TTC27: variants seen among roughly 807,000 people sequenced by gnomAD.
TTC27 encodes the protein tetratricopeptide repeat domain 27.
TTC27 carries 79 observed loss-of-function variants against 115.9 expected under a neutral mutation model. That is an observed-to-expected ratio of 0.68 (90% CI 0.57 to 0.82). TTC27 has a LOEUF of 0.82. Among genes scored for constraint, TTC27 ranks in the 40% least tolerant of loss-of-function variants. The pLI is 0.00. For missense variants in TTC27, 1,054 were observed against 993.1 expected, an observed-to-expected ratio of 1.06 and a Z score of -0.82; for synonymous variants, 401 against 356.0, an observed-to-expected ratio of 1.13 and a Z score of -1.42.
intron 9 of TTC27, among the ~76,000 whole-genome samples, chr2:32,690,488 A>G (rs1666773743): frequency 6.6e-6 from 1 of 152,200 alleles, no homozygotes; most frequent in South Asian, 2.1e-4. Context: ...GATATCCTCT[A>G]GTTGCTAAGA....
At chr2:32,736,263 T>A (rs1022922371) in intron 11 of TTC27, among the ~76,000 whole-genome samples, 1 of 152,196 alleles carries the variant, frequency 6.6e-6, no homozygotes, top group African/African-American at 2.4e-5. Context: ...GAGCTAGATA[T>A]GCCCTTCTGA....
chr2:32,750,210 C>T (rs945713593), intron 12 of TTC27, among the ~76,000 whole-genome samples: 6 of 152,130 alleles, frequency 3.9e-5, no homozygotes, highest in African/African-American at 1.4e-4. Flanking sequence ...TGTGGACAAC[C>T]ATTATATCTA....
intron 5 of TTC27, among the ~76,000 whole-genome samples, chr2:32,659,177 G>C (rs1241356661): frequency 6.6e-6 from 1 of 151,968 alleles, no homozygotes; most frequent in East Asian, 1.9e-4. Context: ...TGTTGCTCAG[G>C]CTTGTCTTGA....
At chr2:32,665,180 C>A (rs1665726198) in intron 6 of TTC27, among the ~76,000 whole-genome samples, 1 of 151,996 alleles carries the variant, frequency 6.6e-6, no homozygotes, top group Non-Finnish European at 1.5e-5. Flanking sequence ...CTAGTTCTAT[C>A]AGTAAAATCC....
At chr2:32,629,433 T>C (rs574421967) in intron 1 of TTC27, among the ~76,000 whole-genome samples, 6 of 150,124 alleles carry the variant, frequency 4.0e-5, no homozygotes, top group Non-Finnish European at 3.0e-5. Context: ...GCGGCAATGA[T>C]TTATTTTTTT....
chr2:32,662,743 T>G (rs1416097193), intron 5 of TTC27, among the ~76,000 whole-genome samples: 2 of 152,166 alleles, frequency 1.3e-5, no homozygotes, highest in Non-Finnish European at 2.9e-5. Flanking sequence ...TTGTTTATTT[T>G]TTTTTGGAAG....
intron 13 of TTC27, among the ~76,000 whole-genome samples, chr2:32,765,316 C>T (rs1037743756): frequency 6.6e-6 from 1 of 151,214 alleles, no homozygotes; most frequent in East Asian, 1.9e-4. Flanking sequence ...TCTTGTGTGA[C>T]GAGGTGCTAT....
At chr2:32,768,095 A>G (rs571085840) in intron 13 of TTC27, among the ~76,000 whole-genome samples, 1 of 152,238 alleles carries the variant, frequency 6.6e-6, no homozygotes, top group Non-Finnish European at 1.5e-5. Context: ...ATTAAAGCAT[A>G]TGAATGTCTA....
chr2:32,701,365 A>G (rs1435533230), intron 9 of TTC27, among the ~76,000 whole-genome samples: 1 of 152,242 alleles, frequency 6.6e-6, no homozygotes, highest in Non-Finnish European at 1.5e-5. Flanking sequence ...AAGTAGTCAT[A>G]TCTTAATTTA....
rs796743994 is a variant in TTC27, at chr2:32,765,266, G to T, written c.1680+6747G>T. Among the ~76,000 whole-genome samples the T allele has an allele frequency of 1.3e-4, 20 of 152,182 alleles. 1 individual carries two copies. Among genetic ancestry groups the T allele is most frequent in the African/African-American group, 4.8e-4 (20 of 41,526 alleles). On this transcript the variant is annotated intron_variant, in intron 13 of 19. Coordinates refer to ENST00000317907, the MANE Select transcript of TTC27 (RefSeq NM_017735.5). ...TGCGGAGTGGTTGTTGTGTTAGCAA[G>T]CATGAAAACATTAATCTCCTTGTAC...
intron 5 of TTC27, among the ~76,000 whole-genome samples, chr2:32,655,096 C>T (rs1299189171): frequency 6.6e-6 from 1 of 151,686 alleles, no homozygotes; most frequent in East Asian, 1.9e-4. Flanking sequence ...TCAAGTGATT[C>T]TCCTACCTCA....
Position 32,758,332 on chromosome 2 carries a change from C to A in TTC27, c.1493C>A (p.Thr498Lys). The A allele has an allele frequency of 6.2e-7, 1 of 1,614,042 alleles. No individual in the cohort carries two copies. Among genetic ancestry groups the A allele is most frequent in the Non-Finnish European group, 8.5e-7 (1 of 1,180,008 alleles). The change falls in exon 13 of 20, where the codon ACG becomes AAG. Residue 498 changes from threonine (T) to lysine (K), a missense_variant. By Grantham distance (78) the Thr-to-Lys change is moderately conservative. Coordinates refer to ENST00000317907, the MANE Select transcript of TTC27 (RefSeq NM_017735.5). ...ILRQELEKKE[T>K]PSLYCLLGDV... is the part of the protein sequence containing the mutation. ...AGACAAGAGCTGGAGAAAAAAGAAA[C>A]GCCTAGTTTATACTGCTTGCTTGGA...
chr2:32,661,596 G>C (rs72858153), intron 5 of TTC27, among the ~76,000 whole-genome samples: 2,042 of 152,208 alleles, frequency 0.013, 39 homozygotes, highest in African/African-American at 0.047. Context: ...ATAGGAATAT[G>C]TGATTTTTGT....
intron 12 of TTC27, among the ~76,000 whole-genome samples, chr2:32,753,750 A>G (rs1283912620): frequency 6.6e-6 from 1 of 152,158 alleles, no homozygotes; most frequent in Non-Finnish European, 1.5e-5. Flanking sequence ...TGGAGCCCAA[A>G]TGCCCTAACA....
At chr2:32,679,814 A>C (rs1464150488) in intron 9 of TTC27, among the ~76,000 whole-genome samples, 1 of 152,178 alleles carries the variant, frequency 6.6e-6, no homozygotes, top group Non-Finnish European at 1.5e-5. Context: ...CGACATGATG[A>C]AACCCTGTCT....
At chr2:32,719,005 G>T (rs935449816) in intron 10 of TTC27, among the ~76,000 whole-genome samples, 3 of 152,168 alleles carry the variant, frequency 2.0e-5, no homozygotes, top group East Asian at 1.9e-4. Flanking sequence ...CCAAGCCTAG[G>T]GGGCAGAGGA....
At chr2:32,690,632 A>G (rs1666778167) in intron 9 of TTC27, among the ~76,000 whole-genome samples, 1 of 152,154 alleles carries the variant, frequency 6.6e-6, no homozygotes, top group African/African-American at 2.4e-5. Context: ...GAGACGGGAG[A>G]ATGTAAGTTG....
At chr2:32,800,529 G>A (rs1456752838) in intron 16 of TTC27, among the ~76,000 whole-genome samples, 10 of 150,816 alleles carry the variant, frequency 6.6e-5, no homozygotes, top group Admixed American at 6.6e-4. Flanking sequence ...ACAGAGTCTC[G>A]CTCTGTCGCC....
At chr2:32,698,243 C>G (rs1195939796) in intron 9 of TTC27, among the ~76,000 whole-genome samples, 1 of 152,020 alleles carries the variant, frequency 6.6e-6, no homozygotes, top group Non-Finnish European at 1.5e-5. Flanking sequence ...GATCCTTCCA[C>G]TTCAGCCTCC....
Sources: allele counts gnomAD v4.1 joint callset (sites outside exome capture counted in the v4.1 genomes callset), GRCh38; gene constraint gnomAD v4.1.1; transcripts MANE v1.5; gene names NCBI Gene and HGNC (gene_info 2026-07-23, HGNC 2026-07-21).